The following ITGA9 variants were observed in gnomAD, a reference collection of about 807,000 sequenced individuals.
ITGA9 encodes integrin subunit alpha 9, also known as integrin alpha-9.
ITGA9 carries 56 observed loss-of-function variants against 127.8 expected under a neutral mutation model. That is an observed-to-expected ratio of 0.44 (90% confidence interval 0.35 to 0.55). ITGA9 has a LOEUF of 0.55. Among genes scored for constraint, ITGA9 ranks in the 20% least tolerant of loss-of-function variants. The pLI is 0.00. For missense variants in ITGA9, 1,196 were observed against 1,347.1 expected, an observed-to-expected ratio of 0.89 and a Z score of 1.76; for synonymous variants, 508 against 514.5, an observed-to-expected ratio of 0.99 and a Z score of 0.17.
intron 13 of ITGA9, among the ~76,000 whole-genome samples, chr3:37,532,451 T>C (rs1231195955): frequency 1.3e-5 from 2 of 152,252 alleles, no homozygotes; most frequent in Non-Finnish European, 2.9e-5. Context: ...AATCTTGTTA[T>C]GTCACCCCAG....
chr3:37,462,579 C>T (rs58856389), intron 1 of ITGA9, among the ~76,000 whole-genome samples: 2,055 of 152,244 alleles, frequency 0.013, 40 homozygotes, highest in African/African-American at 0.047. Flanking sequence ...CAAGGTGGGA[C>T]TGATTTAATG....
intron 13 of ITGA9, among the ~76,000 whole-genome samples, chr3:37,529,412 C>G (rs1042552191): frequency 6.6e-6 from 1 of 151,972 alleles, no homozygotes; most frequent in Non-Finnish European, 1.5e-5. Context: ...GTCAGGGGTG[C>G]CCTTGGCTGT....
intron 22 of ITGA9, chr3:37,745,447 A>G (rs1696489060): frequency 6.6e-6 from 1 of 152,144 alleles, no homozygotes; most frequent in Admixed American, 6.5e-5. Flanking sequence ...TCTCAGAGTT[A>G]TTTTATTTTT....
At chr3:37,754,581 G>C (rs1408039182) in intron 23 of ITGA9, among the ~76,000 whole-genome samples, 4 of 152,188 alleles carry the variant, frequency 2.6e-5, no homozygotes, top group Non-Finnish European at 2.9e-5. Context: ...TGATTCTAAA[G>C]AACTGACCTG....
intron 7 of ITGA9, among the ~76,000 whole-genome samples, chr3:37,508,169 C>T (rs951784791): frequency 6.6e-6 from 1 of 152,284 alleles, no homozygotes; most frequent in East Asian, 1.9e-4. Context: ...CTGGTAAAGT[C>T]TTACTGGGAA....
intron 18 of ITGA9, among the ~76,000 whole-genome samples, chr3:37,729,650 A>G (rs774260889): frequency 2.0e-5 from 3 of 151,886 alleles, no homozygotes; most frequent in Admixed American, 1.3e-4. Flanking sequence ...CATTTATTTC[A>G]CACATGCAAA....
chr3:37,499,072 G>T (rs1430785018), intron 5 of ITGA9, among the ~76,000 whole-genome samples: 1 of 152,224 alleles, frequency 6.6e-6, no homozygotes, highest in Non-Finnish European at 1.5e-5. Context: ...CAGTGACCCT[G>T]AGCTTAACAA....
At chr3:37,709,392 T>A (rs1241846385) in intron 18 of ITGA9, among the ~76,000 whole-genome samples, 3 of 152,218 alleles carry the variant, frequency 2.0e-5, no homozygotes, top group African/African-American at 4.8e-5. Context: ...ACAGATCCTT[T>A]CTCTTAAGTG....
At chr3:37,462,271 AC>A (rs1698323501) in intron 1 of ITGA9, among the ~76,000 whole-genome samples, 1 of 152,122 alleles carries the variant, frequency 6.6e-6, no homozygotes, top group Admixed American at 6.5e-5. Flanking sequence ...CCAAGGTTGG[AC>A]CCTGCCCCCG....
Position 37,806,260 on chromosome 3 carries a change from G to A in ITGA9, c.3009+2318G>A, listed in dbSNP as rs534703158. 1.3e-5 allele frequency: 2 copies of A among 152,218 alleles called. No homozygotes were observed. The highest frequency in any genetic ancestry group is 2.1e-4 in the South Asian group (1 of 4,824). The allele number at this position is 152,218 out of a possible 1,614,324, so 9.4% of individuals were successfully genotyped here. On this transcript the variant is annotated intron_variant, in intron 27 of 27. Transcript: ENST00000264741. This position sits in a 1 kb window ranked among gnomAD's most constrained non-coding sequence, Gnocchi z 4.3. Reference sequence around the variant, plus strand: ...AGACAAGGCTTCTTGCTGAGTTGAGGGCTTTGGTGCATGAGTGTGTGTGGG... The same window carrying A: ...AGACAAGGCTTCTTGCTGAGTTGAGAGCTTTGGTGCATGAGTGTGTGTGGG...
At chr3:37,602,231 A>C (rs1699928805) in intron 15 of ITGA9, among the ~76,000 whole-genome samples, 1 of 152,240 alleles carries the variant, frequency 6.6e-6, no homozygotes, top group Non-Finnish European at 1.5e-5. Context: ...TATTTTTCTA[A>C]AAATGGGAAA....
chr3:37,505,102 C>T (rs900577978), intron 6 of ITGA9, among the ~76,000 whole-genome samples: 2 of 151,748 alleles, frequency 1.3e-5, no homozygotes, highest in South Asian at 4.2e-4. Context: ...CATGCATCTA[C>T]CCACCCACCC....
At chr3:37,535,058 A>G (rs899871469) in intron 14 of ITGA9, among the ~76,000 whole-genome samples, 17 of 152,246 alleles carry the variant, frequency 1.1e-4, no homozygotes, top group African/African-American at 1.9e-4. Context: ...TTTGATACAC[A>G]TAAGAATGAG....
Position 37,821,142 on chromosome 3 carries a change from G to A in ITGA9, c.*2153G>A, listed in dbSNP as rs186686622. On this transcript the variant is annotated 3_prime_UTR_variant, in exon 28 of 28. Coordinates refer to ENST00000264741, the MANE Select transcript of ITGA9 (RefSeq NM_002207.3). ...TAGACCAAAAAAATCAAGGGTCAATGGCATGAACTAAGCTGATCCTGGAAA... is the reference window on the plus strand; with the variant it reads ...TAGACCAAAAAAATCAAGGGTCAATAGCATGAACTAAGCTGATCCTGGAAA... 48 of 152,250 alleles carry A rather than the reference G, an allele frequency of 3.2e-4. No individual in the cohort carries two copies. Among genetic ancestry groups the A allele is most frequent in the African/African-American group, 1.1e-3 (47 of 41,526 alleles). The allele number at this position is 152,250 out of a possible 1,614,324, so 9.4% of individuals were successfully genotyped here. A position where few individuals can be genotyped will look rare whatever the true frequency, so the allele number is the denominator to read the frequency against.
intron 25 of ITGA9, among the ~76,000 whole-genome samples, chr3:37,784,311 C>A (rs1248590351): frequency 2.0e-5 from 3 of 152,148 alleles, no homozygotes; most frequent in Non-Finnish European, 4.4e-5. Flanking sequence ...GGATCAGTGT[C>A]TTTGAATCTG....
At chr3:37,567,805 T>C (rs1203655430) in intron 15 of ITGA9, among the ~76,000 whole-genome samples, 1 of 152,214 alleles carries the variant, frequency 6.6e-6, no homozygotes, top group East Asian at 1.9e-4. Context: ...TAGGCTCCCA[T>C]GGACTTGGGC....
At chr3:37,578,089 C>T (rs541538762) in intron 15 of ITGA9, among the ~76,000 whole-genome samples, 1 of 152,002 alleles carries the variant, frequency 6.6e-6, no homozygotes, top group Non-Finnish European at 1.5e-5. Flanking sequence ...ATTTTTAGTT[C>T]TAGAAAGAAT....
chr3:37,524,710 A>G (rs893390413), intron 12 of ITGA9, among the ~76,000 whole-genome samples: 1 of 152,098 alleles, frequency 6.6e-6, no homozygotes, highest in Non-Finnish European at 1.5e-5. Flanking sequence ...TCCCCACTTT[A>G]TAAACAAGGA....
intron 15 of ITGA9, among the ~76,000 whole-genome samples, chr3:37,594,617 A>C (rs1699851762): frequency 6.6e-6 from 1 of 152,198 alleles, no homozygotes; most frequent in Admixed American, 6.5e-5. Flanking sequence ...ACTCTTAGGC[A>C]GGTCCCTGAA....
Sources: allele counts gnomAD v4.1 joint callset (sites outside exome capture counted in the v4.1 genomes callset), GRCh38; gene constraint gnomAD v4.1.1; non-coding constraint Gnocchi (gnomAD v3.1); transcripts MANE v1.5; gene names NCBI Gene and HGNC (gene_info 2026-07-23, HGNC 2026-07-21).